MAP3K9: variants seen among roughly 807,000 people sequenced by gnomAD.
MAP3K9 encodes the protein mixed lineage kinase 1 (tyr and ser/thr specificity).
Under a neutral mutation model 95.8 loss-of-function variants are expected in MAP3K9, and 46 were observed. That is an observed-to-expected ratio of 0.48 (90% confidence interval 0.38 to 0.61). The LOEUF (loss-of-function observed/expected upper bound fraction) is 0.61. Ranked by LOEUF, MAP3K9 falls within the 20% of genes least tolerant of loss-of-function variation. The pLI, the probability that MAP3K9 is intolerant of heterozygous loss-of-function variation, is 0.00. For synonymous variants in MAP3K9, 533 were observed against 593.8 expected (o/e 0.90, Z 1.49); for missense variants, 1,296 against 1,474.3 (o/e 0.88, Z 1.98).
At chr14:70,795,232 G>A (rs370394207) in intron 2 of MAP3K9, among the ~76,000 whole-genome samples, 1 of 151,048 alleles carries the variant, frequency 6.6e-6, no homozygotes, top group Admixed American at 6.6e-5. Context: ...TCCTGACCTC[G>A]TGATCTGCCC....
chr14:70,764,067 A>C (rs12883246), intron 2 of MAP3K9, among the ~76,000 whole-genome samples: 1 of 145,390 alleles, frequency 6.9e-6, no homozygotes, highest in African/African-American at 2.6e-5. Flanking sequence ...GCGCTTGTAG[A>C]CCCAGCTACT....
chr14:70,742,699 T>C, intron 5 of MAP3K9, 108 bp from the exon 6 acceptor site: 2 of 1,281,410 alleles, frequency 1.6e-6, no homozygotes, highest in Non-Finnish European at 2.1e-6. Context: ...CCTGGAGAGC[T>C]CTCCTATGAT....
At chr14:70,776,976 G>A (rs529471543) in intron 2 of MAP3K9, among the ~76,000 whole-genome samples, 2 of 151,962 alleles carry the variant, frequency 1.3e-5, no homozygotes, top group African/African-American at 2.4e-5. Flanking sequence ...GGATTAAGGC[G>A]CCTGCCACCA....
chr14:70,791,412 G>A (rs951663807), intron 2 of MAP3K9, among the ~76,000 whole-genome samples: 19 of 152,136 alleles, frequency 1.2e-4, no homozygotes, highest in Admixed American at 6.5e-4. Context: ...GAACCTCCAC[G>A]GTGATGAAAT....
In MAP3K9 at chr14:70,726,902, G is replaced by A. The variant is rs2053827184; in HGVS notation, c.*3478C>T. On this transcript the variant is annotated 3_prime_UTR_variant, in exon 12 of 12. Coordinates refer to ENST00000554752, the MANE Select transcript of MAP3K9 (RefSeq NM_001284230.2). ...CTTGAGAGGAAAGCATGTGATGATT[G>A]CTTTTAAAGGAAGGAAATCTGAGAG... The A allele has an allele frequency of 6.6e-6, 1 of 152,278 alleles. No homozygotes were observed. Among genetic ancestry groups the A allele is most frequent in the African/African-American group, 2.4e-5 (1 of 41,472 alleles). The allele number at this position is 152,278 out of a possible 1,614,324, so 9.4% of individuals were successfully genotyped here.
chr14:70,801,228 G>A, intron 1 of MAP3K9, 148 bp from the exon 2 acceptor site: 1 of 696,136 alleles, frequency 1.4e-6, no homozygotes, highest in Non-Finnish European at 2.3e-6. Flanking sequence ...TTCCATAAGG[G>A]CAGGAACTGC....
intron 2 of MAP3K9, among the ~76,000 whole-genome samples, chr14:70,762,201 G>A (rs1397071015): frequency 3.3e-5 from 5 of 152,166 alleles, no homozygotes; most frequent in Non-Finnish European, 5.9e-5. Context: ...TAGTGTGTAT[G>A]AACATGTGTA....
chr14:70,779,464 A>G (rs2054645283), intron 2 of MAP3K9, among the ~76,000 whole-genome samples: 1 of 152,194 alleles, frequency 6.6e-6, no homozygotes, highest in African/African-American at 2.4e-5. Flanking sequence ...ATACACGGAG[A>G]AAGAGTGGTC....
At chr14:70,794,344 AG>A (rs1443102194) in intron 2 of MAP3K9, among the ~76,000 whole-genome samples, 1 of 152,268 alleles carries the variant, frequency 6.6e-6, no homozygotes, top group Non-Finnish European at 1.5e-5. Context: ...AAGAAGGTAC[AG>A]GCAGGGGATA....
At chr14:70,778,625 C>A (rs1316855408) in intron 2 of MAP3K9, among the ~76,000 whole-genome samples, 1 of 152,208 alleles carries the variant, frequency 6.6e-6, no homozygotes, top group Non-Finnish European at 1.5e-5. Context: ...ACACTGTCAT[C>A]ATCATTGCTA....
At chr14:70,740,865 T>C (rs2139728872) in intron 6 of MAP3K9, among the ~76,000 whole-genome samples, 1 of 152,338 alleles carries the variant, frequency 6.6e-6, no homozygotes, top group East Asian at 1.9e-4. Context: ...CATCCTGACA[T>C]GCAACAATAT....
At chr14:70,788,599 G>C (rs1192181682) in intron 2 of MAP3K9, among the ~76,000 whole-genome samples, 1 of 152,346 alleles carries the variant, frequency 6.6e-6, no homozygotes, top group East Asian at 1.9e-4. Flanking sequence ...CAAAAGAAGA[G>C]AGGGTTCACA....
In MAP3K9 at chr14:70,742,094, G is replaced by C. The variant is rs192615477; in HGVS notation, c.1567+257C>G. 1.4e-3 allele frequency among the ~76,000 whole-genome samples: 217 copies of C among 152,298 alleles called. 1 individual carries two copies. The highest frequency in any genetic ancestry group is 5.0e-3 in the African/African-American group (209 of 41,582). On this transcript the variant is annotated intron_variant, in intron 6 of 11. Coordinates refer to ENST00000554752, the MANE Select transcript of MAP3K9 (RefSeq NM_001284230.2). The stretch of plus-strand genomic sequence containing the variant: ...GAGATGTGCCCCTGTGAGCCACCAG[G>C]CTTCTAGCAGCCTGGACCTTGCCGG...
intron 3 of MAP3K9, among the ~76,000 whole-genome samples, chr14:70,759,618 G>C (rs987611301): frequency 6.6e-6 from 1 of 152,148 alleles, no homozygotes; most frequent in African/African-American, 2.4e-5. Flanking sequence ...CAGGCTTCTG[G>C]CCTCAGGAAC....
Position 70,730,498 on chromosome 14 carries a change from G to T in MAP3K9, c.3197C>A (p.Thr1066Lys). The change falls in exon 12 of 12, where the codon ACG becomes AAG. Residue 1066 changes from threonine (T) to lysine (K), a missense_variant. By Grantham distance (78) the Thr-to-Lys change is moderately conservative. This residue lies in a region of MAP3K9 where 433 missense variants were observed against 441.4 expected (regional missense o/e 0.98). Transcript: ENST00000554752. ...CCCCTCTGCATCCAGGTCCAGGAGCGTCCGCTCAGTCGGGGGCAGCGGCCC... is the reference window on the plus strand; with the variant it reads ...CCCCTCTGCATCCAGGTCCAGGAGCTTCCGCTCAGTCGGGGGCAGCGGCCC... ...QAGPLPPTER[T>K]LLDLDAEGQS... 1 of 1,614,056 alleles carries T rather than the reference G, an allele frequency of 6.2e-7. No individual in the cohort carries two copies. The highest frequency in any genetic ancestry group is 8.5e-7 in the Non-Finnish European group (1 of 1,180,036).
chr14:70,805,602 T>C (rs1352414255), intron 1 of MAP3K9, among the ~76,000 whole-genome samples: 1 of 152,370 alleles, frequency 6.6e-6, no homozygotes, highest in East Asian at 1.9e-4. Context: ...TCATAATATT[T>C]AGTAATTTCC....
At chr14:70,761,232 GGGAAACCACAGA>G in intron 2 of MAP3K9, 50 bp from the exon 3 acceptor site, 1 of 1,474,918 alleles carries the variant, frequency 6.8e-7, no homozygotes, top group Non-Finnish European at 9.3e-7. Flanking sequence ...ATTAATCACA[GGGAAACCACAGA>G]ACAGAACTCT....
intron 3 of MAP3K9, among the ~76,000 whole-genome samples, chr14:70,760,140 T>TAC (rs2054351905): frequency 2.4e-5 from 1 of 41,960 alleles, no homozygotes; most frequent in Non-Finnish European, 4.7e-5. Context: ...AAAATAAACG[T>TAC]GCACACACAC....
In MAP3K9 at chr14:70,733,653, G is replaced by A. The variant is rs575973695; in HGVS notation, c.2027-311C>T. 4.7e-5 allele frequency: 33 copies of A among 708,098 alleles called. No individual in the cohort carries two copies. The South Asian group carries it at 4.9e-4, about 11-fold the overall frequency. 43.9% of individuals were successfully genotyped at this position (708,098 alleles called of 1,614,324 possible). On this transcript the variant is annotated intron_variant, in intron 10 of 11. Coordinates refer to ENST00000554752, the MANE Select transcript of MAP3K9 (RefSeq NM_001284230.2). ...TGGGTATCCACTTGACTGGACTGAG[G>A]GATGCCTGCATGGCTGGTGAAGCAC...
Sources: gnomAD v4.1 joint callset for allele counts (sites outside exome capture counted in the v4.1 genomes callset) on GRCh38, gnomAD v4.1.1 for gene constraint, gnomAD v4.1.1 regional missense constraint, MANE v1.5 for transcripts, NCBI Gene and HGNC (gene_info 2026-07-23, HGNC 2026-07-21) for gene names.